CMTM3: variants seen among roughly 807,000 people sequenced by gnomAD.
The protein encoded by CMTM3 is CKLF like MARVEL transmembrane domain containing 3, also known as CKLF-like MARVEL transmembrane domain-containing protein 3.
CMTM3 carries 7 observed loss-of-function variants against 18.2 expected under a neutral mutation model. That is an observed-to-expected ratio of 0.38 (90% CI 0.22 to 0.72). The LOEUF is 0.72. CMTM3 is among the 30% of genes least tolerant of loss of function. CMTM3 has a pLI of 0.46. For missense variants in CMTM3, 227 were observed against 249.2 expected (o/e 0.91, Z 0.60); for synonymous variants, 109 against 111.2 (o/e 0.98, Z 0.12).
chr16:66,606,261 G>A (rs2015148371), intron 1 of CMTM3, among the ~76,000 whole-genome samples: 1 of 152,162 alleles, frequency 6.6e-6, no homozygotes, highest in African/African-American at 2.4e-5. Context: ...GAAACAGAGA[G>A]AGGAAGTGGC....
Position 66,609,677 on chromosome 16 carries a change from A to G in CMTM3, c.399+147A>G. 2 of 1,538,272 alleles carry G rather than the reference A, an allele frequency of 1.3e-6. No individual in the cohort carries two copies. The highest frequency in any genetic ancestry group is 1.8e-6 in the Non-Finnish European group (2 of 1,141,714). Reference sequence around the variant, plus strand: ...TGATGATTCCAAAGTCCTCTCATTAAAGACTGACTCTACCCGGGGTTTTGA... The same window carrying G: ...TGATGATTCCAAAGTCCTCTCATTAGAGACTGACTCTACCCGGGGTTTTGA... On this transcript the variant is annotated intron_variant, in intron 3 of 4. Coordinates refer to ENST00000567572, the MANE Select transcript of CMTM3 (RefSeq NM_181553.4). The surrounding 1 kb of genome is among the most constrained non-coding windows in gnomAD (Gnocchi z 4.4).
At chr16:66,607,536 A>G (rs1401816544) in intron 1 of CMTM3, among the ~76,000 whole-genome samples, 1 of 151,840 alleles carries the variant, frequency 6.6e-6, no homozygotes, top group African/African-American at 2.4e-5. Flanking sequence ...AGACATCAGG[A>G]CATTTCAACT....
At position 66,605,580 on chromosome 16, in the gene CMTM3, C is replaced by A; in HGVS notation, c.147+628C>A. On this transcript the variant is annotated intron_variant, in intron 1 of 4. Transcript: ENST00000567572. This position sits in a 1 kb window ranked among gnomAD's most constrained non-coding sequence, Gnocchi z 4.6. ...TGTCCGCTGTGGGGTAGGGGTGGCG[C>A]TGGGCCGTTGGGGATGGGGAGGGAG... is the stretch of plus-strand genomic sequence containing the variant. 6.5e-6 allele frequency: 1 copy of A among 152,888 alleles called. No homozygotes were observed. The highest frequency in any genetic ancestry group is 1.5e-5 in the Non-Finnish European group (1 of 68,474). The allele number at this position is 152,888 out of a possible 1,614,324, so 9.5% of individuals were successfully genotyped here. A position where few individuals can be genotyped will look rare whatever the true frequency, so the allele number is the denominator to read the frequency against.
In CMTM3 at chr16:66,613,139, T is replaced by C. The variant is rs1356728876; in HGVS notation, c.*502T>C. 3 of 702,896 alleles carry C rather than the reference T, an allele frequency of 4.3e-6. No homozygotes were observed. The African/African-American group carries it at 5.2e-5, about 12-fold the overall frequency. 43.5% of individuals were successfully genotyped at this position (702,896 alleles called of 1,614,324 possible). A position where few individuals can be genotyped will look rare whatever the true frequency, so the allele number is the denominator to read the frequency against. On this transcript the variant is annotated 3_prime_UTR_variant, in exon 5 of 5. Coordinates refer to ENST00000567572, the MANE Select transcript of CMTM3 (RefSeq NM_181553.4). ...GTGACAATGACCCTTCCAAGAATCT[T>C]TGGTTCAAGGAGCACCAGTTCCCTC... is the stretch of plus-strand genomic sequence containing the variant.
chr16:66,609,023 G>A lies in CMTM3; in HGVS notation c.304-412G>A, dbSNP rs963718403. Among the ~76,000 whole-genome samples the A allele has an allele frequency of 6.6e-6, 1 of 152,218 alleles. No individual in the cohort carries two copies. The highest frequency in any genetic ancestry group is 1.5e-5 in the Non-Finnish European group (1 of 68,032). ...CCCTCTGTGTCCCCATCTTAGGGAC[G>A]GATAAGCAGAAACTGTGGTCCATGA... On this transcript the variant is annotated intron_variant, in intron 2 of 4. Transcript: ENST00000567572. This position sits in a 1 kb window ranked among gnomAD's most constrained non-coding sequence, Gnocchi z 4.4.
Position 66,610,092 on chromosome 16 carries a change from A to G in CMTM3, c.520+89A>G. 1.3e-6 allele frequency: 2 copies of G among 1,523,084 alleles called. No individual in the cohort carries two copies. Among genetic ancestry groups the G allele is most frequent in the South Asian group, 1.2e-5 (1 of 85,294 alleles). The allele number at this position is 1,523,084 out of a possible 1,614,324, so 94.3% of individuals were successfully genotyped here. A position where few individuals can be genotyped will look rare whatever the true frequency, so the allele number is the denominator to read the frequency against. On this transcript the variant is annotated intron_variant, in intron 4 of 4. Transcript: ENST00000567572. This position sits in a 1 kb window ranked among gnomAD's most constrained non-coding sequence, Gnocchi z 4.6. ...CCAGCTAGTTTGAGGCTGGGGTGGG[A>G]TCATTTCCTCTCTCCCCATGGCAGG...
intron 4 of CMTM3, chr16:66,611,040 A>C (rs2015357391): frequency 2.5e-6 from 1 of 397,276 alleles, no homozygotes. Context: ...GGGACCAATT[A>C]GTAAACGTCA....
Position 66,608,242 on chromosome 16 carries a change from G to A in CMTM3, c.148-67G>A. On this transcript the variant is annotated intron_variant, in intron 1 of 4. Transcript: ENST00000567572. This position sits in a 1 kb window ranked among gnomAD's most constrained non-coding sequence, Gnocchi z 5.1. Reference sequence around the variant, plus strand: ...TCCTCTATCCTGACCACAGGGCCTGGCTCAGAGGAGCACTGGACAAGGAAC... The same window carrying A: ...TCCTCTATCCTGACCACAGGGCCTGACTCAGAGGAGCACTGGACAAGGAAC... 1 of 1,572,504 alleles carries A rather than the reference G, an allele frequency of 6.4e-7. No homozygotes were observed. Among genetic ancestry groups the A allele is most frequent in the Non-Finnish European group, 8.7e-7 (1 of 1,148,824 alleles).
chr16:66,612,494 C>A lies in CMTM3; in HGVS notation c.521-115C>A. 9.6e-7 allele frequency: 1 copy of A among 1,042,320 alleles called. No homozygotes were observed. Among genetic ancestry groups the A allele is most frequent in the Non-Finnish European group, 1.4e-6 (1 of 693,730 alleles). 64.6% of individuals were successfully genotyped at this position (1,042,320 alleles called of 1,614,324 possible). On this transcript the variant is annotated intron_variant, in intron 4 of 4. Coordinates refer to ENST00000567572, the MANE Select transcript of CMTM3 (RefSeq NM_181553.4). This position sits in a 1 kb window ranked among gnomAD's most constrained non-coding sequence, Gnocchi z 6.0. ...TCACTGGGAACGGTAGAGTCAGCTG[C>A]AGGAGGCCTGCACCCAGGCTCCTGC... is the stretch of plus-strand genomic sequence containing the variant.
Position 66,613,161 on chromosome 16 carries a change from CCTCTTCATT to C in CMTM3, c.*527_*535del, listed in dbSNP as rs1383949914. On this transcript the variant is annotated 3_prime_UTR_variant, in exon 5 of 5. Coordinates refer to ENST00000567572, the MANE Select transcript of CMTM3 (RefSeq NM_181553.4). The stretch of plus-strand genomic sequence containing the variant: ...TCTTTGGTTCAAGGAGCACCAGTTC[CCTCTTCATT>C]CTTGAAGCAGGGAGAAATTGACCTT... 1 of 702,516 alleles carries C rather than the reference CCTCTTCATT, an allele frequency of 1.4e-6. No individual in the cohort carries two copies. Among genetic ancestry groups the C allele is most frequent in the Non-Finnish European group, 2.6e-6 (1 of 384,878 alleles). The allele number at this position is 702,516 out of a possible 1,614,324, so 43.5% of individuals were successfully genotyped here.
rs1313764813 is a variant in CMTM3 at position 66,608,592 on chromosome 16, A to G, written c.303+128A>G. On this transcript the variant is annotated intron_variant, in intron 2 of 4. Transcript: ENST00000567572. This position sits in a 1 kb window ranked among gnomAD's most constrained non-coding sequence, Gnocchi z 5.1. ...GGAGTTTGCAGTTGGTTAGAACTGG[A>G]TGGAGAGACCCAGCTTCAGATCATC... The G allele has an allele frequency of 3.4e-6, 3 of 875,884 alleles. No homozygotes were observed. Among genetic ancestry groups the G allele is most frequent in the Non-Finnish European group, 5.2e-6 (3 of 577,798 alleles). 54.3% of individuals were successfully genotyped at this position (875,884 alleles called of 1,614,324 possible).
chr16:66,607,396 C>T (rs1816634935), intron 1 of CMTM3, among the ~76,000 whole-genome samples: 3 of 152,232 alleles, frequency 2.0e-5, no homozygotes, highest in African/African-American at 7.2e-5. Flanking sequence ...TCAGTGCCAA[C>T]GCACCCTCTG....
intron 4 of CMTM3, among the ~76,000 whole-genome samples, chr16:66,611,219 G>A (rs1000626248): frequency 2.0e-5 from 3 of 152,198 alleles, no homozygotes; most frequent in African/African-American, 2.4e-5. Context: ...TTGGGAGGCC[G>A]AGACGGGTGG....
Position 66,609,512 on chromosome 16 carries a change from G to A in CMTM3, c.381G>A (p.Gly127=), listed in dbSNP as rs1408953442. The part of the protein sequence containing the change: ...SITAIAKYSD[G]ASKAAGVFGF... ...CGGCCATCGCCAAGTACTCGGATGG[G>A]GCTTCCAAAGCCGCTGGGGTGAGCA... The change falls in exon 3 of 5, where the codon GGG becomes GGA. Residue 127 remains glycine (G), a synonymous_variant. Transcript: ENST00000567572. The surrounding 1 kb of genome is among the most constrained non-coding windows in gnomAD (Gnocchi z 4.4). The A allele has an allele frequency of 6.2e-7, 1 of 1,605,098 alleles. No individual in the cohort carries two copies. Among genetic ancestry groups the A allele is most frequent in the Non-Finnish European group, 8.5e-7 (1 of 1,175,632 alleles).
chr16:66,604,974 G>C (rs2015079821), intron 1 of CMTM3, 22 bp downstream of exon 1: 7 of 1,473,846 alleles, frequency 4.7e-6, no homozygotes, highest in Non-Finnish European at 5.4e-6. Flanking sequence ...GGGACCCTCG[G>C]CCGCCCCGCT....
chr16:66,607,869 G>GTCTC (rs538034633), intron 1 of CMTM3, among the ~76,000 whole-genome samples: 1 of 150,848 alleles, frequency 6.6e-6, no homozygotes, highest in African/African-American at 2.4e-5. Context: ...TGCGGACAGG[G>GTCTC]TCTCTCTCTC....
Position 66,610,209 on chromosome 16 carries a change from C to A in CMTM3, c.520+206C>A. On this transcript the variant is annotated intron_variant, in intron 4 of 4. Coordinates refer to ENST00000567572, the MANE Select transcript of CMTM3 (RefSeq NM_181553.4). This position sits in a 1 kb window ranked among gnomAD's most constrained non-coding sequence, Gnocchi z 4.6. Reference sequence around the variant, plus strand: ...CTCGTGCACCCTCACCCCAGCCTTTCTAGGAGGGGCAAGCAGTGGGCATGG... The same window carrying A: ...CTCGTGCACCCTCACCCCAGCCTTTATAGGAGGGGCAAGCAGTGGGCATGG... 1 of 663,682 alleles carries A rather than the reference C, an allele frequency of 1.5e-6. No individual in the cohort carries two copies. The highest frequency in any genetic ancestry group is 2.5e-6 in the Non-Finnish European group (1 of 396,924). The allele number at this position is 663,682 out of a possible 1,614,324, so 41.1% of individuals were successfully genotyped here.
rs2015120934 is a variant in CMTM3 at position 66,605,642 on chromosome 16, A to T, written c.147+690A>T. 1 of 153,702 alleles carries T rather than the reference A, an allele frequency of 6.5e-6. No individual in the cohort carries two copies. The highest frequency in any genetic ancestry group is 6.5e-5 in the Admixed American group (1 of 15,292). 9.5% of individuals were successfully genotyped at this position (153,702 alleles called of 1,614,324 possible). A position where few individuals can be genotyped will look rare whatever the true frequency, so the allele number is the denominator to read the frequency against. On this transcript the variant is annotated intron_variant, in intron 1 of 4. Coordinates refer to ENST00000567572, the MANE Select transcript of CMTM3 (RefSeq NM_181553.4). This position sits in a 1 kb window ranked among gnomAD's most constrained non-coding sequence, Gnocchi z 4.6. ...GAGACCGGGGGAGGCGGGAGGAGAG[A>T]GCGGCGCACGGCGGCGGCCACTTGT...
Position 66,609,845 on chromosome 16 carries a change from G to C in CMTM3, c.400-38G>C, listed in dbSNP as rs1253616193. 6.2e-7 allele frequency: 1 copy of C among 1,614,218 alleles called. No individual in the cohort carries two copies. Among genetic ancestry groups the C allele is most frequent in the East Asian group, 2.2e-5 (1 of 44,866 alleles). On this transcript the variant is annotated intron_variant, in intron 3 of 4. Transcript: ENST00000567572. The surrounding 1 kb of genome is among the most constrained non-coding windows in gnomAD (Gnocchi z 4.4). The stretch of plus-strand genomic sequence containing the variant: ...GGGCAGCAGCCTCCCGGAGCAGGGA[G>C]TCAGCCCTGTGATGCATCCCATCCA...
Sources: gnomAD v4.1 joint callset for allele counts (sites outside exome capture counted in the v4.1 genomes callset) on GRCh38, gnomAD v4.1.1 for gene constraint, Gnocchi (gnomAD v3.1) non-coding constraint, MANE v1.5 for transcripts, NCBI Gene and HGNC (gene_info 2026-07-23, HGNC 2026-07-21) for gene names.